The following CDK7 variants were observed in gnomAD, a reference collection of about 807,000 sequenced individuals.
CDK7 encodes the protein cyclin-dependent kinase 7.
CDK7 carries 25 observed loss-of-function variants against 49.1 expected under a neutral mutation model. The observed-to-expected ratio is 0.51, with a 90% CI of 0.37 to 0.71. The LOEUF (loss-of-function observed/expected upper bound fraction) is 0.71. CDK7 is among the 30% of genes least tolerant of loss of function. The pLI is 0.00. For synonymous variants in CDK7, 107 were observed against 140.0 expected (o/e 0.76, Z 1.67); for missense variants, 316 against 411.7 (o/e 0.77, Z 2.01).
At chr5:69,252,494 CTTTTTTTTT>C (rs138764556) in intron 3 of CDK7, 43 bp downstream of exon 3, 72 of 364,158 alleles carry the variant, frequency 2.0e-4, no homozygotes, top group East Asian at 6.7e-4. Context: ...AAGTTTTCTC[CTTTTTTTTT>C]TTTTTTTTTT....
chr5:69,275,681 A>C (rs1262581714), intron 10 of CDK7, among the ~76,000 whole-genome samples: 4 of 152,190 alleles, frequency 2.6e-5, no homozygotes, highest in Non-Finnish European at 5.9e-5. Context: ...ATATTTTATA[A>C]AATTACCTTC....
chr5:69,275,879 T>C (rs1742780503), intron 10 of CDK7, among the ~76,000 whole-genome samples: 1 of 152,196 alleles, frequency 6.6e-6, no homozygotes, highest in African/African-American at 2.4e-5. Context: ...AGTTTCATTT[T>C]TAATCTTGGC....
At position 69,272,879 on chromosome 5, in the gene CDK7, AT is replaced by A; in HGVS notation, c.715-11del. 1 of 1,540,030 alleles carries A rather than the reference AT, an allele frequency of 6.5e-7. No homozygotes were observed. The highest frequency in any genetic ancestry group is 8.8e-7 in the Non-Finnish European group (1 of 1,135,064). On this transcript the variant is annotated splice_polypyrimidine_tract_variant and intron_variant, in intron 9 of 11. Transcript: ENST00000256443. ...TTAATCCTTAAGTTTGAATTACAAA[AT>A]TATTTTTACAGGACATGTGTAGTCT...
At position 69,269,825 on chromosome 5, in the gene CDK7, G is replaced by C. The variant is rs10058852; in HGVS notation, c.714+532G>C. Among the ~76,000 whole-genome samples the C allele has an allele frequency of 0.018, 2,772 of 151,270 alleles. 129 individuals are homozygous for C. The East Asian group carries it at 0.2, about 11-fold the overall frequency. On this transcript the variant is annotated intron_variant, in intron 9 of 11. Transcript: ENST00000256443. ...GGTCTCAAACTCCTCGTCTCAAGCA[G>C]TTCTGCCTCAGCCTCCCAAAGTGCT...
chr5:69,261,486 T>TTCTC (rs200189016), intron 7 of CDK7, among the ~76,000 whole-genome samples: 1 of 139,520 alleles, frequency 7.2e-6, no homozygotes, highest in Non-Finnish European at 1.6e-5. Context: ...ATTGAAAAGG[T>TTCTC]TCTCTGTGTG....
chr5:69,247,219 T>TG (rs1429240655), intron 2 of CDK7, among the ~76,000 whole-genome samples: 1 of 152,220 alleles, frequency 6.6e-6, no homozygotes, highest in Non-Finnish European at 1.5e-5. Context: ...TATTATTGTA[T>TG]GGGGTCTGCC....
intron 9 of CDK7, among the ~76,000 whole-genome samples, chr5:69,272,524 T>C (rs1425501413): frequency 6.6e-6 from 1 of 152,236 alleles, no homozygotes; most frequent in East Asian, 1.9e-4. Context: ...GAACACGATA[T>C]GTTTCACCAT....
At chr5:69,249,206 G>C (rs1259541060) in intron 2 of CDK7, among the ~76,000 whole-genome samples, 1 of 151,588 alleles carries the variant, frequency 6.6e-6, no homozygotes, top group African/African-American at 2.4e-5. Context: ...CTGTCTTCAA[G>C]CTCATTAATT....
Position 69,276,665 on chromosome 5 carries a change from G to A in CDK7, c.987G>A (p.Arg329=). The part of the protein sequence containing the change: ...EQSNPALAIK[R]KRTEALEQGG... Reference sequence around the variant, plus strand: ...CAAATCCAGCTTTGGCAATAAAAAGGAAAAGAACAGAGGCCTTAGAACAAG... The same window carrying A: ...CAAATCCAGCTTTGGCAATAAAAAGAAAAAGAACAGAGGCCTTAGAACAAG... Residue 329 remains arginine, a synonymous_variant, in exon 11 of 12, where the codon AGG becomes AGA. Coordinates refer to ENST00000256443, the MANE Select transcript of CDK7 (RefSeq NM_001799.4). The A allele has an allele frequency of 6.2e-7, 1 of 1,614,108 alleles. No homozygotes were observed. Among genetic ancestry groups the A allele is most frequent in the Non-Finnish European group, 8.5e-7 (1 of 1,179,976 alleles).
chr5:69,276,843 T>C, intron 11 of CDK7, 153 bp downstream of exon 11: 1 of 739,076 alleles, frequency 1.4e-6, no homozygotes, highest in Non-Finnish European at 2.2e-6. Context: ...GACTGTGCCG[T>C]TTTAGGTATG....
Position 69,277,403 on chromosome 5 carries a change from A to G in CDK7, c.*268A>G, listed in dbSNP as rs1458836285. ...ATGCATTAGGGAAAACTTAATAAAAATTATTACCAGTTATTTGGAAGATCT... is the reference window on the plus strand; with the variant it reads ...ATGCATTAGGGAAAACTTAATAAAAGTTATTACCAGTTATTTGGAAGATCT... On this transcript the variant is annotated 3_prime_UTR_variant, in exon 12 of 12. Coordinates refer to ENST00000256443, the MANE Select transcript of CDK7 (RefSeq NM_001799.4). 1 of 318,732 alleles carries G rather than the reference A, an allele frequency of 3.1e-6. No individual in the cohort carries two copies. Among genetic ancestry groups the G allele is most frequent in the African/African-American group, 2.1e-5 (1 of 46,514 alleles). The allele number at this position is 318,732 out of a possible 1,614,324, so 19.7% of individuals were successfully genotyped here. A position where few individuals can be genotyped will look rare whatever the true frequency, so the allele number is the denominator to read the frequency against.
intron 9 of CDK7, among the ~76,000 whole-genome samples, chr5:69,270,549 T>C (rs971971014): frequency 6.6e-6 from 1 of 152,210 alleles, no homozygotes; most frequent in Non-Finnish European, 1.5e-5. Context: ...CACACCAGGA[T>C]GCTACAGTCA....
chr5:69,259,899 A>G lies in CDK7; in HGVS notation c.490A>G (p.Ser164Gly). 1 of 1,613,034 alleles carries G rather than the reference A, an allele frequency of 6.2e-7. No homozygotes were observed. The highest frequency in any genetic ancestry group is 8.5e-7 in the Non-Finnish European group (1 of 1,179,010). ...ADFGLAKSFGSPNRAYTHQVV... is the reference protein window; with the variant it reads ...ADFGLAKSFGGPNRAYTHQVV... The stretch of plus-strand genomic sequence containing the variant: ...TTTTGGCCTGGCCAAATCTTTTGGG[A>G]GCCCCAATAGAGCTTATACACATCA... Residue 164 changes from serine (S) to glycine (G), a missense_variant, in exon 7 of 12, where the codon AGC (serine) becomes GGC (glycine). Physicochemically the swap from Ser to Gly is moderately conservative, Grantham distance 56. Coordinates refer to ENST00000256443, the MANE Select transcript of CDK7 (RefSeq NM_001799.4).
intron 8 of CDK7, among the ~76,000 whole-genome samples, chr5:69,267,724 T>C (rs1003920241): frequency 2.0e-5 from 3 of 152,184 alleles, no homozygotes; most frequent in Admixed American, 2.0e-4. Flanking sequence ...TCTTTTTACA[T>C]AGGCTTGTTC....
intron 1 of CDK7, 142 bp from the exon 2 acceptor site, chr5:69,235,252 G>A (rs974690811): frequency 4.9e-5 from 38 of 779,490 alleles, no homozygotes; most frequent in Non-Finnish European, 7.3e-5. Context: ...CCTGGAGCTG[G>A]ACGGAGACTG....
At chr5:69,237,884 C>T (rs896023436) in intron 2 of CDK7, among the ~76,000 whole-genome samples, 2 of 152,132 alleles carry the variant, frequency 1.3e-5, no homozygotes, top group Admixed American at 1.3e-4. Context: ...TGGGATTACA[C>T]GTGTGAGTCA....
At chr5:69,251,097 C>CTT (rs34886081) in intron 2 of CDK7, among the ~76,000 whole-genome samples, 36,140 of 135,630 alleles carry the variant, frequency 0.27, 5,490 homozygotes, top group East Asian at 0.37. Flanking sequence ...GCCCCGGTAA[C>CTT]TTTTTTTTTT....
intron 8 of CDK7, among the ~76,000 whole-genome samples, chr5:69,263,439 A>G (rs764930462): frequency 2.6e-5 from 4 of 152,202 alleles, no homozygotes; most frequent in Non-Finnish European, 5.9e-5. Flanking sequence ...GCTCACGCCT[A>G]TAGTCCCAGC....
At chr5:69,250,761 C>A in intron 2 of CDK7, 1 of 456,668 alleles carries the variant, frequency 2.2e-6, no homozygotes, top group South Asian at 1.5e-5. Flanking sequence ...CTGCTGGTAG[C>A]CACTACAGCT....
Sources: allele counts gnomAD v4.1 joint callset (sites outside exome capture counted in the v4.1 genomes callset), GRCh38; gene constraint gnomAD v4.1.1; transcripts MANE v1.5; gene names NCBI Gene and HGNC (gene_info 2026-07-23, HGNC 2026-07-21).